FHIT: variants seen among roughly 807,000 people sequenced by gnomAD.
FHIT encodes the protein bis(5'-adenosyl)-triphosphatase.
In FHIT, 19 loss-of-function variants were observed where a neutral mutation model predicts 17.9. The observed-to-expected ratio is 1.06, with a 90% CI of 0.74 to 1.56. FHIT has a LOEUF of 1.56. FHIT is among the 40% of genes most tolerant of loss of function. The pLI is 0.00. For missense variants in FHIT, 248 were observed against 189.2 expected (o/e 1.31, Z -1.82); for synonymous variants, 81 against 69.7 (o/e 1.16, Z -0.81).
chr3:61,141,325 TCA>T, intron 2 of FHIT, among the ~76,000 whole-genome samples: 1 of 152,296 alleles, frequency 6.6e-6, no homozygotes, highest in South Asian at 2.1e-4. Context: ...TAGAATGTAC[TCA>T]GTCTTCGGAG....
At chr3:60,322,410 G>C (rs578225508) in intron 5 of FHIT, among the ~76,000 whole-genome samples, 3 of 152,312 alleles carry the variant, frequency 2.0e-5, no homozygotes, top group African/African-American at 4.8e-5. Context: ...TACAGTTTGA[G>C]TCAATAGGCA....
intron 5 of FHIT, among the ~76,000 whole-genome samples, chr3:60,153,693 A>T (rs1700565346): frequency 6.6e-6 from 1 of 152,202 alleles, no homozygotes; most frequent in Non-Finnish European, 1.5e-5. Context: ...CCAAGGACAC[A>T]GGCTGATTTT....
intron 4 of FHIT, among the ~76,000 whole-genome samples, chr3:60,666,188 G>A (rs1489189294): frequency 6.6e-6 from 1 of 152,122 alleles, no homozygotes; most frequent in Non-Finnish European, 1.5e-5. Context: ...TCTTTCCAAT[G>A]TTCTTTCTTC....
At chr3:60,662,995 C>T (rs531165262) in intron 4 of FHIT, among the ~76,000 whole-genome samples, 1 of 151,080 alleles carries the variant, frequency 6.6e-6, no homozygotes, top group East Asian at 2.0e-4. Context: ...GGCTGGACTT[C>T]CTTCATTAAG....
At chr3:60,742,769 A>C (rs2042264635) in intron 4 of FHIT, among the ~76,000 whole-genome samples, 1 of 152,254 alleles carries the variant, frequency 6.6e-6, no homozygotes, top group Non-Finnish European at 1.5e-5. Context: ...AGTCCTCAGA[A>C]GATGCCTAAA....
At chr3:60,282,299 C>T (rs213368) in intron 5 of FHIT, among the ~76,000 whole-genome samples, 29,195 of 152,032 alleles carry the variant, frequency 0.19, 3,044 homozygotes, top group South Asian at 0.34. Flanking sequence ...CGACAGAATA[C>T]TAGTCTACAA....
At chr3:60,371,123 G>A (rs1033911683) in intron 5 of FHIT, among the ~76,000 whole-genome samples, 4 of 152,160 alleles carry the variant, frequency 2.6e-5, no homozygotes, top group African/African-American at 7.2e-5. Context: ...TCTGACCGCT[G>A]TGTTGTTCCA....
intron 4 of FHIT, among the ~76,000 whole-genome samples, chr3:60,807,763 G>A (rs557931858): frequency 3.9e-5 from 6 of 152,058 alleles, no homozygotes; most frequent in East Asian, 1.9e-4. Flanking sequence ...TTCTGCTTTC[G>A]TGGAGCTTAC....
chr3:60,924,108 C>T (rs1480319730), intron 3 of FHIT, among the ~76,000 whole-genome samples: 1 of 152,194 alleles, frequency 6.6e-6, no homozygotes, highest in Non-Finnish European at 1.5e-5. Context: ...GGCCTGCCTG[C>T]CTCTGTAGAC....
chr3:61,179,707 CAAAAAA>C (rs779180597), intron 2 of FHIT, among the ~76,000 whole-genome samples: 1 of 28,984 alleles, frequency 3.5e-5, no homozygotes, highest in Non-Finnish European at 6.6e-5. Context: ...GACCCTATCT[CAAAAAA>C]AAAAAAAAAA....
chr3:61,003,090 T>A (rs559078249), intron 3 of FHIT, among the ~76,000 whole-genome samples: 2 of 152,210 alleles, frequency 1.3e-5, no homozygotes, highest in Non-Finnish European at 2.9e-5. Context: ...TGCAGTGATA[T>A]AAAATTAAAA....
chr3:60,584,326 G>A (rs1342540441), intron 4 of FHIT, among the ~76,000 whole-genome samples: 3 of 151,826 alleles, frequency 2.0e-5, no homozygotes, highest in Admixed American at 6.6e-5. Flanking sequence ...GTTAAACATT[G>A]GCCAGCATAC....
intron 5 of FHIT, among the ~76,000 whole-genome samples, chr3:60,177,179 C>T (rs913027648): frequency 6.6e-6 from 1 of 151,132 alleles, no homozygotes; most frequent in Non-Finnish European, 1.5e-5. Flanking sequence ...CAAATGCTGC[C>T]CATAAAAATA....
intron 8 of FHIT, among the ~76,000 whole-genome samples, chr3:59,799,784 C>G (rs1477988063): frequency 6.6e-6 from 1 of 152,178 alleles, no homozygotes; most frequent in Non-Finnish European, 1.5e-5. Context: ...CTGAAACAGA[C>G]TCTTATCAGA....
At chr3:60,977,940 G>A (rs1315752887) in intron 3 of FHIT, among the ~76,000 whole-genome samples, 1 of 152,190 alleles carries the variant, frequency 6.6e-6, no homozygotes, top group Non-Finnish European at 1.5e-5. Flanking sequence ...AAGGAGGCAT[G>A]ATGCTGGCAC....
chr3:60,113,875 G>A (rs927432317), intron 5 of FHIT, among the ~76,000 whole-genome samples: 3 of 146,180 alleles, frequency 2.1e-5, no homozygotes, highest in African/African-American at 5.1e-5. Context: ...GGTGGCGGGC[G>A]CCTGTAGTCC....
rs543837991 is a variant in FHIT, at chr3:60,390,692, T to C, written c.103+146168A>G. 2.7e-3 allele frequency among the ~76,000 whole-genome samples: 418 copies of C among 152,046 alleles called. 2 individuals are homozygous for C. Among genetic ancestry groups the C allele is most frequent in the Non-Finnish European group, 5.1e-3 (349 of 67,992 alleles). On this transcript the variant is annotated intron_variant, in intron 5 of 9. Transcript: ENST00000492590. Reference sequence around the variant, plus strand: ...CCTGGCGCACGCCTAGGCTAATGTGTGTGTTTGTGTCTTAGTCTATAACAA... The same window carrying C: ...CCTGGCGCACGCCTAGGCTAATGTGCGTGTTTGTGTCTTAGTCTATAACAA...
chr3:60,835,942 T>C (rs1702525701), intron 3 of FHIT, among the ~76,000 whole-genome samples: 1 of 152,350 alleles, frequency 6.6e-6, no homozygotes. Flanking sequence ...GTTGGTTTTG[T>C]GTTTTTTCGT....
At chr3:60,999,791 G>A (rs747140798) in intron 3 of FHIT, among the ~76,000 whole-genome samples, 12 of 152,114 alleles carry the variant, frequency 7.9e-5, no homozygotes, top group South Asian at 4.2e-4. Flanking sequence ...GCGCATTCTG[G>A]CAGTTGTAAA....
Sources: gnomAD v4.1 joint callset for allele counts (sites outside exome capture counted in the v4.1 genomes callset) on GRCh38, gnomAD v4.1.1 for gene constraint, MANE v1.5 for transcripts, NCBI Gene and HGNC (gene_info 2026-07-23, HGNC 2026-07-21) for gene names.